CDKL4: variants seen among roughly 807,000 people sequenced by gnomAD.
CDKL4 encodes cyclin dependent kinase like 4, also known as cyclin-dependent kinase-like 4.
In CDKL4, 44 loss-of-function variants were observed where a neutral mutation model predicts 42.0. That is an observed-to-expected ratio of 1.05 (90% CI 0.82 to 1.35). The LOEUF (loss-of-function observed/expected upper bound fraction) is 1.35, where lower values mean the gene tolerates loss of function less well. Ranked by LOEUF, CDKL4 falls within the 40% of genes most tolerant of loss-of-function variation. CDKL4 has a pLI of 0.00. For synonymous variants in CDKL4, 120 were observed against 121.6 expected (o/e 0.99, Z 0.09); for missense variants, 393 against 369.9 (o/e 1.06, Z -0.51).
intron 1 of CDKL4, among the ~76,000 whole-genome samples, chr2:39,232,918 G>T (rs1277612442): frequency 6.6e-6 from 1 of 151,484 alleles, no homozygotes; most frequent in Non-Finnish European, 1.5e-5. Flanking sequence ...GGTGGCACGC[G>T]CCTGTAGTCC....
In CDKL4 at chr2:39,219,120, G is replaced by T. The variant is rs1678144031; in HGVS notation, c.291-5648C>A. 3.3e-5 allele frequency among the ~76,000 whole-genome samples: 5 copies of T among 152,180 alleles called. No individual in the cohort carries two copies. In the South Asian group the frequency reaches 8.3e-4, roughly 25 times the overall value. On this transcript the variant is annotated intron_variant, in intron 3 of 9. Coordinates refer to ENST00000451199, the Ensembl canonical transcript of CDKL4. ...GCCCCAGCACCTAGAACAGGACCTGGTACCTAATAGGAGCTCAATTAAGCT... is the reference window on the plus strand; with the variant it reads ...GCCCCAGCACCTAGAACAGGACCTGTTACCTAATAGGAGCTCAATTAAGCT...
In CDKL4 at chr2:39,187,826, G is replaced by C. The variant is rs1675918997; in HGVS notation, c.653-117C>G. On this transcript the variant is annotated intron_variant, in intron 6 of 9. Coordinates refer to ENST00000451199, the Ensembl canonical transcript of CDKL4. ...CTCACACCTGTAATTCCAGCACTTT[G>C]AGAGGCTACGGCAGGTGGATCACTT... 4.5e-6 allele frequency: 3 copies of C among 664,216 alleles called. No individual in the cohort carries two copies. The Admixed American group carries it at 7.5e-5, about 17-fold the overall frequency. 41.1% of individuals were successfully genotyped at this position (664,216 alleles called of 1,614,324 possible).
At chr2:39,182,948 G>C (rs957645108) in intron 8 of CDKL4, among the ~76,000 whole-genome samples, 1 of 152,160 alleles carries the variant, frequency 6.6e-6, no homozygotes, top group Non-Finnish European at 1.5e-5. Context: ...GGTCCCATGG[G>C]ATAAACACCA....
chr2:39,200,363 C>G (rs1307003472), intron 5 of CDKL4, among the ~76,000 whole-genome samples: 6 of 152,106 alleles, frequency 3.9e-5, no homozygotes, highest in African/African-American at 1.4e-4. Context: ...GGAAACACAT[C>G]CTATGCTCAT....
At chr2:39,220,719 G>A (rs944869646) in intron 3 of CDKL4, among the ~76,000 whole-genome samples, 1 of 151,832 alleles carries the variant, frequency 6.6e-6, no homozygotes, top group African/African-American at 2.4e-5. Context: ...CGAGTAGCTG[G>A]GATTACAGGC....
upstream of CDKL4, among the ~76,000 whole-genome samples, chr2:39,244,964 C>T (rs768902470): frequency 6.6e-6 from 1 of 152,064 alleles, no homozygotes; most frequent in Admixed American, 6.5e-5. Context: ...CTGATGGGGA[C>T]GTGGAAAACC....
upstream of CDKL4, among the ~76,000 whole-genome samples, chr2:39,244,518 A>G (rs1679824321): frequency 6.6e-6 from 1 of 152,348 alleles, no homozygotes; most frequent in Non-Finnish European, 1.5e-5. Flanking sequence ...CCTGCGGGGC[A>G]GGGCTTGGGA....
the CDKL4 span, among the ~76,000 whole-genome samples, chr2:39,170,296 G>GAAAGAAAAGA: frequency 1.2e-3 from 158 of 135,374 alleles, no homozygotes; most frequent in African/African-American, 3.5e-3. Flanking sequence ...AAAAAAAAAA[G>GAAAGAAAAGA]AAAGAAAAGA....
chr2:39,203,381 C>A (rs114947699), intron 5 of CDKL4, among the ~76,000 whole-genome samples: 1 of 151,902 alleles, frequency 6.6e-6, no homozygotes, highest in Non-Finnish European at 1.5e-5. Context: ...CTTGTAATGG[C>A]GTATCTGTGT....
intron 7 of CDKL4, among the ~76,000 whole-genome samples, chr2:39,187,003 G>C (rs1355583411): frequency 1.3e-5 from 2 of 152,146 alleles, no homozygotes; most frequent in Non-Finnish European, 2.9e-5. Flanking sequence ...GTTTGGCTCT[G>C]TGTCCCCACC....
intron 5 of CDKL4, among the ~76,000 whole-genome samples, chr2:39,193,689 T>A (rs182200280): frequency 6.6e-6 from 1 of 152,264 alleles, no homozygotes; most frequent in Admixed American, 6.5e-5. Context: ...TATAAAATTG[T>A]TAAAGAAATT....
chr2:39,240,728 CTAAG>C lies in CDKL4; in HGVS notation c.-57+3139_-57+3142del, dbSNP rs1233991296. 2.7e-5 allele frequency among the ~76,000 whole-genome samples: 4 copies of C among 145,506 alleles called. No homozygotes were observed. The East Asian group carries it at 8.0e-4, about 29-fold the overall frequency. On this transcript the variant is annotated intron_variant, in intron 1 of 9. Coordinates refer to ENST00000451199, the Ensembl canonical transcript of CDKL4. ...GAACCACATGCCCCAAAACATAATG[CTAAG>C]TGAGAGAAGACAGACACAAAATCCT...
intron 3 of CDKL4, among the ~76,000 whole-genome samples, chr2:39,223,101 C>G (rs1486405424): frequency 3.3e-5 from 5 of 152,054 alleles, no homozygotes. Flanking sequence ...AACATTTCCC[C>G]AGGACATTAA....
chr2:39,178,529 A>G, intron 9 of CDKL4: 1 of 1,549,992 alleles, frequency 6.5e-7, no homozygotes, highest in Non-Finnish European at 8.7e-7. Context: ...AACCAAAACA[A>G]ACCTATTTCC....
At chr2:39,229,679 T>G (rs1354532770) in intron 1 of CDKL4, 91 bp from the exon 2 acceptor site, 1 of 514,148 alleles carries the variant, frequency 1.9e-6, no homozygotes, top group East Asian at 3.2e-5. Flanking sequence ...ATGCCAAAGG[T>G]TTATATTCAT....
chr2:39,237,673 C>T (rs1046366678), intron 1 of CDKL4, among the ~76,000 whole-genome samples: 2 of 152,082 alleles, frequency 1.3e-5, no homozygotes, highest in Admixed American at 1.3e-4. Context: ...CTGAGTAACA[C>T]AGCAAGAACC....
At position 39,199,525 on chromosome 2, in the gene CDKL4, G is replaced by A. The variant is rs1676720787; in HGVS notation, c.454+5002C>T. 2.0e-5 allele frequency among the ~76,000 whole-genome samples: 3 copies of A among 151,768 alleles called. No homozygotes were observed. In the South Asian group the frequency reaches 6.2e-4, roughly 32 times the overall value. On this transcript the variant is annotated intron_variant, in intron 5 of 9. Coordinates refer to ENST00000451199, the Ensembl canonical transcript of CDKL4. ...CACCCTAATAACAAAACCAGAAAAG[G>A]ACATAACAAAAAAAGAAAACTACAG...
intron 1 of CDKL4, among the ~76,000 whole-genome samples, chr2:39,238,527 C>G (rs767322476): frequency 7.9e-5 from 12 of 151,974 alleles, no homozygotes; most frequent in Admixed American, 6.6e-5. Context: ...AAGATTTATA[C>G]GGAAATGCAT....
intron 4 of CDKL4, among the ~76,000 whole-genome samples, chr2:39,208,746 A>G (rs1677377790): frequency 6.9e-6 from 1 of 145,884 alleles, no homozygotes; most frequent in Non-Finnish European, 1.5e-5. Flanking sequence ...GCCTAAAGAG[A>G]TATCCATGGT....
Sources: gnomAD v4.1 joint callset for allele counts (sites outside exome capture counted in the v4.1 genomes callset) on GRCh38, gnomAD v4.1.1 for gene constraint, MANE v1.5 for transcripts, NCBI Gene and HGNC (gene_info 2026-07-23, HGNC 2026-07-21) for gene names.